CDH18: variants seen among roughly 807,000 people sequenced by gnomAD.
CDH18 encodes cadherin-18.
A neutral mutation model predicts 67.9 loss-of-function variants in CDH18; 31 were observed. The observed-to-expected ratio is 0.46, with a 90% CI of 0.34 to 0.62. The LOEUF is 0.62. CDH18 is among the 20% of genes least tolerant of loss of function. CDH18 has a pLI of 0.01. For synonymous variants in CDH18, 362 were observed against 347.2 expected (o/e 1.04, Z -0.48); for missense variants, 890 against 975.5 (o/e 0.91, Z 1.17).
intron 1 of CDH18, among the ~76,000 whole-genome samples, chr5:20,489,203 T>G (rs66606781): frequency 6.6e-6 from 1 of 151,962 alleles, no homozygotes; most frequent in African/African-American, 2.4e-5. Flanking sequence ...TCCTTGAGAT[T>G]TAGATATGAC....
intron 2 of CDH18, among the ~76,000 whole-genome samples, chr5:20,105,052 G>C (rs917891887): frequency 6.6e-6 from 1 of 151,776 alleles, no homozygotes; most frequent in Non-Finnish European, 1.5e-5. Context: ...GCAATGACAC[G>C]ATCTTGGCTC....
chr5:20,481,653 T>C (rs1752819156), intron 1 of CDH18, among the ~76,000 whole-genome samples: 1 of 152,050 alleles, frequency 6.6e-6, no homozygotes, highest in African/African-American at 2.4e-5. Flanking sequence ...AAGAGGAACT[T>C]TGGAAGCTAA....
At chr5:20,110,486 C>A (rs1204385878) in intron 2 of CDH18, among the ~76,000 whole-genome samples, 1 of 152,084 alleles carries the variant, frequency 6.6e-6, no homozygotes, top group Non-Finnish European at 1.5e-5. Flanking sequence ...AGTTTGAGAC[C>A]AGCCTGGCCA....
Position 19,681,132 on chromosome 5 carries a change from G to A in CDH18, c.643+40215C>T, listed in dbSNP as rs565769224. ...TGCAGCAACACGGATAGAACTGGAGGCCATTATCCTAAGCAAACTAATGAA... is the reference window on the plus strand; with the variant it reads ...TGCAGCAACACGGATAGAACTGGAGACCATTATCCTAAGCAAACTAATGAA... On this transcript the variant is annotated intron_variant, in intron 5 of 12. Coordinates refer to ENST00000382275, the MANE Select transcript of CDH18 (RefSeq NM_004934.5). 2.0e-5 allele frequency among the ~76,000 whole-genome samples: 3 copies of A among 152,072 alleles called. No individual in the cohort carries two copies. The South Asian group carries it at 6.2e-4, about 32-fold the overall frequency.
intron 1 of CDH18, among the ~76,000 whole-genome samples, chr5:20,309,127 C>A (rs1438645028): frequency 6.6e-6 from 1 of 152,170 alleles, no homozygotes; most frequent in East Asian, 1.9e-4. Context: ...GGAAAAATTT[C>A]TTATGCTTAA....
intron 2 of CDH18, among the ~76,000 whole-genome samples, chr5:20,217,500 C>T (rs1740874879): frequency 6.6e-6 from 1 of 151,392 alleles, no homozygotes; most frequent in African/African-American, 2.4e-5. Context: ...GCAACTTTAA[C>T]TAGAAATATA....
intron 2 of CDH18, among the ~76,000 whole-genome samples, chr5:19,911,580 G>C (rs1791153514): frequency 6.6e-6 from 1 of 151,904 alleles, no homozygotes; most frequent in Non-Finnish European, 1.5e-5. Context: ...TTCCCAAATA[G>C]AAAGAGGAAG....
chr5:19,921,435 A>G (rs62352225), intron 2 of CDH18, among the ~76,000 whole-genome samples: 33 of 150,940 alleles, frequency 2.2e-4, no homozygotes, highest in Non-Finnish European at 4.3e-4. Flanking sequence ...GGAGGCTGAG[A>G]CAGGAGAATG....
Position 20,036,305 on chromosome 5 carries a change from C to T in CDH18, c.-517-44291G>A, listed in dbSNP as rs147981227. Among the ~76,000 whole-genome samples, 28 of 151,860 alleles carry T rather than the reference C, an allele frequency of 1.8e-4. No individual in the cohort carries two copies. In the East Asian group the frequency reaches 4.6e-3, roughly 25 times the overall value. On this transcript the variant is annotated intron_variant, in intron 2 of 14. Transcript: ENST00000507958. ...GTGCACAATGGAAAACTGTTACTAC[C>T]GTAGCTATTGATTGTGAGGATTTTA...
At chr5:19,822,985 T>C (rs1217583871) in intron 3 of CDH18, among the ~76,000 whole-genome samples, 3 of 152,182 alleles carry the variant, frequency 2.0e-5, no homozygotes, top group East Asian at 3.9e-4. Context: ...ACGCATTCTC[T>C]TTCTCAGGGA....
chr5:20,038,562 T>C (rs1031438384), intron 2 of CDH18, among the ~76,000 whole-genome samples: 2 of 152,150 alleles, frequency 1.3e-5, no homozygotes, highest in African/African-American at 4.8e-5. Context: ...ACAAATGTAA[T>C]CCATCACATA....
chr5:19,622,528 T>C (rs1331185684), intron 5 of CDH18, among the ~76,000 whole-genome samples: 2 of 152,206 alleles, frequency 1.3e-5, no homozygotes, highest in Non-Finnish European at 2.9e-5. Context: ...TGTGCTGGCC[T>C]GTGACTGCTT....
In CDH18 at chr5:19,837,019, T is replaced by G. The variant is rs1360345971; in HGVS notation, c.228+1740A>C. 2.0e-5 allele frequency among the ~76,000 whole-genome samples: 3 copies of G among 152,198 alleles called. No individual in the cohort carries two copies. In the East Asian group the frequency reaches 5.8e-4, roughly 29 times the overall value. ...GACTTGGAACCATCCCAAATGCCCA[T>G]CAATGATAAACTGGATAAATAAAAT... On this transcript the variant is annotated intron_variant, in intron 3 of 12. Coordinates refer to ENST00000382275, the MANE Select transcript of CDH18 (RefSeq NM_004934.5).
chr5:19,602,547 TA>T (rs962937769), intron 6 of CDH18, among the ~76,000 whole-genome samples: 6 of 150,136 alleles, frequency 4.0e-5, no homozygotes, highest in African/African-American at 1.2e-4. Flanking sequence ...AAATTAAAAT[TA>T]AAAAAAAAGA....
chr5:20,130,463 A>G (rs1749182323), intron 2 of CDH18, among the ~76,000 whole-genome samples: 1 of 151,334 alleles, frequency 6.6e-6, no homozygotes, highest in African/African-American at 2.4e-5. Context: ...CATTACCTAA[A>G]ATAATCTGCT....
At chr5:20,226,766 A>G (rs1235899194) in intron 2 of CDH18, among the ~76,000 whole-genome samples, 2 of 152,138 alleles carry the variant, frequency 1.3e-5, no homozygotes, top group Non-Finnish European at 2.9e-5. Context: ...TATCTTACAT[A>G]AAAATATACT....
intron 2 of CDH18, among the ~76,000 whole-genome samples, chr5:20,188,848 CAA>C (rs11390844): frequency 2.4e-5 from 3 of 125,164 alleles, no homozygotes; most frequent in Non-Finnish European, 3.3e-5. Context: ...ATTTTCTAGG[CAA>C]AAAAAAAAAA....
intron 2 of CDH18, among the ~76,000 whole-genome samples, chr5:19,999,386 G>A (rs1390490572): frequency 6.6e-6 from 1 of 152,108 alleles, no homozygotes; most frequent in Admixed American, 6.5e-5. Context: ...TATCACCTGA[G>A]ATCAGGAGTT....
chr5:20,379,740 G>C (rs886483043), intron 1 of CDH18, among the ~76,000 whole-genome samples: 2 of 151,472 alleles, frequency 1.3e-5, no homozygotes, highest in Non-Finnish European at 2.9e-5. Context: ...TAAAGATCAG[G>C]CAATAAAAAT....
Sources: allele counts gnomAD v4.1 joint callset (sites outside exome capture counted in the v4.1 genomes callset), GRCh38; gene constraint gnomAD v4.1.1; transcripts MANE v1.5; gene names NCBI Gene and HGNC (gene_info 2026-07-23, HGNC 2026-07-21).